Variants in CCDC171 observed in about 807,000 individuals in gnomAD.
CCDC171 encodes the protein coiled-coil domain containing 171.
A neutral mutation model predicts 168.2 loss-of-function variants in CCDC171; 177 were observed. That is an observed-to-expected ratio of 1.05 (90% CI 0.93 to 1.19). The LOEUF (loss-of-function observed/expected upper bound fraction) is 1.19, where lower values mean the gene tolerates loss of function less well. Ranked by LOEUF, CCDC171 falls within the 50% of genes most tolerant of loss-of-function variation. The probability of loss-of-function intolerance (pLI) is 0.00; values close to 1 mark genes in which losing one functional copy is unlikely to be tolerated. For missense variants in CCDC171, 1,991 were observed against 1,539.0 expected, an observed-to-expected ratio of 1.29 and a Z score of -4.91; for synonymous variants, 687 against 540.8, an observed-to-expected ratio of 1.27 and a Z score of -3.75.
chr9:16,059,092 T>G (rs1833887981), intron 1 of CCDC171, among the ~76,000 whole-genome samples: 1 of 152,164 alleles, frequency 6.6e-6, no homozygotes, highest in Non-Finnish European at 1.5e-5. Context: ...AAGAAATGCT[T>G]CCAGAACCAA....
At chr9:15,892,684 G>A (rs752738863) in intron 24 of CCDC171, among the ~76,000 whole-genome samples, 5 of 151,942 alleles carry the variant, frequency 3.3e-5, no homozygotes, top group Non-Finnish European at 7.4e-5. Flanking sequence ...ATTCACAGTT[G>A]CTGCAAAAAA....
chr9:15,561,373 A>G (rs2039289456), intron 1 of CCDC171, among the ~76,000 whole-genome samples: 1 of 152,192 alleles, frequency 6.6e-6, no homozygotes. Context: ...TTAGAGTTCA[A>G]CAAATATTGA....
Position 15,651,138 on chromosome 9 carries a change from C to G in CCDC171, c.823-5989C>G, listed in dbSNP as rs575010424. 4.0e-5 allele frequency among the ~76,000 whole-genome samples: 6 copies of G among 149,124 alleles called. No homozygotes were observed. In the East Asian group the frequency reaches 1.2e-3, roughly 29 times the overall value. On this transcript the variant is annotated intron_variant, in intron 7 of 25. Transcript: ENST00000380701. ...AATTTTTTTTTTTTTGAGATGAAGT[C>G]TCACTGTCTCACCCAGGCTGGAGTG... is the stretch of plus-strand genomic sequence containing the variant.
intron 25 of CCDC171, among the ~76,000 whole-genome samples, chr9:15,953,400 A>G (rs1829430659): frequency 6.6e-6 from 1 of 152,154 alleles, no homozygotes; most frequent in Non-Finnish European, 1.5e-5. Flanking sequence ...GCAGTATTAA[A>G]TTTAATCAAA....
At chr9:16,026,672 C>T (rs1188423675) in intron 6 of CCDC171, among the ~76,000 whole-genome samples, 2 of 152,120 alleles carry the variant, frequency 1.3e-5, no homozygotes, top group Non-Finnish European at 2.9e-5. Context: ...CTTCCAGAGG[C>T]AGGAGATTAG....
At chr9:15,679,413 C>T (rs936198813) in intron 10 of CCDC171, among the ~76,000 whole-genome samples, 5 of 152,138 alleles carry the variant, frequency 3.3e-5, no homozygotes, top group Admixed American at 6.6e-5. Context: ...TTCAGAATAA[C>T]GGCCAGCTTC....
the CCDC171 span, among the ~76,000 whole-genome samples, chr9:16,084,710 C>G: frequency 6.6e-6 from 1 of 152,178 alleles, no homozygotes; most frequent in Non-Finnish European, 1.5e-5. Context: ...CTGAGATAAA[C>G]TCTGTCAATT....
intron 6 of CCDC171, among the ~76,000 whole-genome samples, chr9:15,599,057 G>A (rs1013945679): frequency 1.6e-4 from 24 of 152,100 alleles, no homozygotes; most frequent in African/African-American, 4.8e-4. Flanking sequence ...CATGTGAGAT[G>A]GGTCTCCTGA....
intron 25 of CCDC171, among the ~76,000 whole-genome samples, chr9:15,950,704 C>A (rs200679484): frequency 2.6e-5 from 4 of 151,886 alleles, no homozygotes; most frequent in South Asian, 4.2e-4. Flanking sequence ...ACTAGGAAGA[C>A]ACTGCATGAA....
At chr9:15,775,099 T>C (rs1047315260) in intron 18 of CCDC171, among the ~76,000 whole-genome samples, 15 of 121,184 alleles carry the variant, frequency 1.2e-4, no homozygotes, top group Non-Finnish European at 2.3e-4. Flanking sequence ...CCAAAACCTA[T>C]TGAAATAAAA....
intron 1 of CCDC171, among the ~76,000 whole-genome samples, chr9:15,559,639 A>C (rs534704995): frequency 6.6e-6 from 1 of 152,044 alleles, no homozygotes; most frequent in Non-Finnish European, 1.5e-5. Context: ...TGCACGTGAG[A>C]TAGGTCTCCT....
intron 6 of CCDC171, among the ~76,000 whole-genome samples, chr9:15,617,265 A>G (rs1450213729): frequency 6.6e-6 from 1 of 151,884 alleles, no homozygotes; most frequent in African/African-American, 2.4e-5. Flanking sequence ...GAGAAAAGTT[A>G]TTCTGGCTTT....
At chr9:15,647,790 C>A (rs201999876) in intron 7 of CCDC171, among the ~76,000 whole-genome samples, 1 of 152,036 alleles carries the variant, frequency 6.6e-6, no homozygotes, top group African/African-American at 2.4e-5. Flanking sequence ...CAGGACCAGA[C>A]GATTCACAGC....
intron 24 of CCDC171, among the ~76,000 whole-genome samples, chr9:15,893,535 A>G (rs1199021205): frequency 1.3e-5 from 2 of 152,162 alleles, no homozygotes; most frequent in Non-Finnish European, 2.9e-5. Context: ...AATTCATCTG[A>G]CAAAGGTCTA....
intron 13 of CCDC171, among the ~76,000 whole-genome samples, chr9:15,724,033 G>A (rs1173470897): frequency 2.6e-5 from 4 of 152,076 alleles, no homozygotes; most frequent in Non-Finnish European, 5.9e-5. Flanking sequence ...AAGATGAAAT[G>A]TCCAGCCTTA....
chr9:15,877,054 G>A (rs1425882567), intron 24 of CCDC171, among the ~76,000 whole-genome samples: 1 of 152,148 alleles, frequency 6.6e-6, no homozygotes, highest in East Asian at 1.9e-4. Flanking sequence ...TGAGTGAAGA[G>A]GATGAGTGGA....
chr9:15,857,467 G>C (rs370836604), intron 23 of CCDC171, among the ~76,000 whole-genome samples: 1 of 152,032 alleles, frequency 6.6e-6, no homozygotes, highest in East Asian at 1.9e-4. Flanking sequence ...CTGTCGCTAA[G>C]GCTGGAGTAC....
chr9:15,625,925 CG>C (rs1392807135), intron 7 of CCDC171, among the ~76,000 whole-genome samples: 1 of 152,100 alleles, frequency 6.6e-6, no homozygotes, highest in Non-Finnish European at 1.5e-5. Flanking sequence ...GCCATTTTCA[CG>C]ATATTGCTTC....
At chr9:16,072,737 T>C in the CCDC171 span, among the ~76,000 whole-genome samples, 1 of 152,160 alleles carries the variant, frequency 6.6e-6, no homozygotes, top group African/African-American at 2.4e-5. Context: ...GTCCTTTCCA[T>C]TCCCCTTTCC....
Sources: gnomAD v4.1 joint callset for allele counts (sites outside exome capture counted in the v4.1 genomes callset) on GRCh38, gnomAD v4.1.1 for gene constraint, MANE v1.5 for transcripts, NCBI Gene and HGNC (gene_info 2026-07-23, HGNC 2026-07-21) for gene names.